The following OTOGL variants were observed in gnomAD, a reference collection of about 807,000 sequenced individuals.
OTOGL encodes otogelin like.
Under a neutral mutation model 318.5 loss-of-function variants are expected in OTOGL, and 285 were observed. The observed-to-expected ratio is 0.89, with a 90% CI of 0.81 to 0.99. The LOEUF (loss-of-function observed/expected upper bound fraction) is 0.99, where lower values mean the gene tolerates loss of function less well. Ranked by LOEUF, OTOGL falls within the 50% of genes least tolerant of loss-of-function variation. OTOGL has a pLI of 0.00. For missense variants in OTOGL, 2,899 were observed against 2,845.6 expected (o/e 1.02, Z -0.43); for synonymous variants, 987 against 936.5 (o/e 1.05, Z -0.99).
intron 10 of OTOGL, 148 bp downstream of exon 10, chr12:80,239,126 A>T (rs1880138817): frequency 9.0e-7 from 1 of 1,108,102 alleles, no homozygotes; most frequent in African/African-American, 1.6e-5. Flanking sequence ...AAATCACCTT[A>T]ATTTTAGAAA....
intron 38 of OTOGL, among the ~76,000 whole-genome samples, chr12:80,335,245 T>C (rs1417332000): frequency 6.6e-6 from 1 of 152,112 alleles, no homozygotes; most frequent in Non-Finnish European, 1.5e-5. Flanking sequence ...CTATCTTCTA[T>C]CTGTGGGACC....
At position 80,296,835 on chromosome 12, in the gene OTOGL, T is replaced by C; in HGVS notation, c.2937T>C (p.Asp979=). The C allele has an allele frequency of 1.3e-6, 2 of 1,495,844 alleles. No individual in the cohort carries two copies. The highest frequency in any genetic ancestry group is 3.5e-4 in the Middle Eastern group (2 of 5,794). 92.7% of individuals were successfully genotyped at this position (1,495,844 alleles called of 1,614,324 possible). The change falls in exon 27 of 59, where the codon GAT becomes GAC. Residue 979 remains aspartate, a synonymous_variant. Transcript: ENST00000547103. ...TATTTGTGACATTTCAGAGTGCAGATGATTCAGATATATCTGTCATTGCCC... is the reference window on the plus strand; with the variant it reads ...TATTTGTGACATTTCAGAGTGCAGACGATTCAGATATATCTGTCATTGCCC... The part of the protein sequence containing the change: ...DCQVFLIKSA[D]DSDISVIAQN...
chr12:80,160,909 G>GA (rs1199615997), intron 1 of OTOGL, among the ~76,000 whole-genome samples: 3 of 152,072 alleles, frequency 2.0e-5, no homozygotes, highest in Non-Finnish European at 4.4e-5. Context: ...CCCCAAAAAG[G>GA]AACAAATTAA....
chr12:80,360,880 A>G (rs934282192), intron 52 of OTOGL, among the ~76,000 whole-genome samples: 3 of 152,040 alleles, frequency 2.0e-5, no homozygotes, highest in Non-Finnish European at 4.4e-5. Flanking sequence ...CAAATATTGT[A>G]TATATTTATT....
intron 4 of OTOGL, 57 bp downstream of exon 4, chr12:80,212,054 C>G: frequency 6.8e-7 from 1 of 1,463,998 alleles, no homozygotes; most frequent in Non-Finnish European, 9.3e-7. Flanking sequence ...CTGTTTTGGA[C>G]TCTGCTGTCA....
chr12:80,170,686 G>A (rs542982658), intron 1 of OTOGL, among the ~76,000 whole-genome samples: 40 of 151,886 alleles, frequency 2.6e-4, no homozygotes, highest in African/African-American at 8.7e-4. Flanking sequence ...TTCCCGCCTC[G>A]GCCTCCCAAA....
intron 19 of OTOGL, among the ~76,000 whole-genome samples, chr12:80,264,741 A>T (rs1021518206): frequency 6.6e-6 from 1 of 152,160 alleles, no homozygotes; most frequent in East Asian, 1.9e-4. Flanking sequence ...GGTTGAGGCC[A>T]CTGCTTCTCT....
At chr12:80,197,427 T>A (rs1358734168) in intron 1 of OTOGL, among the ~76,000 whole-genome samples, 1 of 152,122 alleles carries the variant, frequency 6.6e-6, no homozygotes, top group East Asian at 1.9e-4. Flanking sequence ...GGTTTCACCA[T>A]GTTGGCCAGG....
Position 80,336,559 on chromosome 12 carries a change from G to T in OTOGL, c.4743+4G>T, listed in dbSNP as rs1888421308. The T allele has an allele frequency of 6.2e-7, 1 of 1,601,824 alleles. No homozygotes were observed. Among genetic ancestry groups the T allele is most frequent in the Non-Finnish European group, 8.5e-7 (1 of 1,173,312 alleles). ...CGAAAAATGTTCCATGAATCAGGTG[G>T]GTCATAATTTATTTTTGCAGTCATT... On this transcript the variant is annotated splice_donor_region_variant and intron_variant, in intron 40 of 58. Transcript: ENST00000547103.
intron 35 of OTOGL, among the ~76,000 whole-genome samples, chr12:80,328,457 C>T (rs1887844066): frequency 6.6e-6 from 1 of 152,156 alleles, no homozygotes; most frequent in African/African-American, 2.4e-5. Flanking sequence ...CCAAGTTCTG[C>T]CTTAATTTTA....
rs7312569 is a variant in OTOGL at position 80,353,429 on chromosome 12, C to G, written c.5512C>G (p.Leu1838Val). 0.19 allele frequency: 304,996 copies of G among 1,600,620 alleles called. 30,377 individuals are homozygous for G. Among genetic ancestry groups the G allele is most frequent in the Middle Eastern group, 0.22 (1,313 of 6,034 alleles). ...WFYGHTSCLN[L>V]REDCVCKVGT... The stretch of plus-strand genomic sequence containing the variant: ...CTATGGACACACTTCCTGTTTGAAT[C>G]TAAGAGAAGACTGTGTGTGCAAAGT... Residue 1838 changes from leucine to valine, a missense_variant, in exon 46 of 59, where the codon CTA becomes GTA. Leu to Val is a conservative substitution (Grantham distance 32). Coordinates refer to ENST00000547103, the MANE Select transcript of OTOGL (RefSeq NM_001378609.3).
At chr12:80,251,591 G>A (rs1249493646) in intron 11 of OTOGL, 102 bp from the exon 12 acceptor site, 2 of 766,878 alleles carry the variant, frequency 2.6e-6, no homozygotes, top group African/African-American at 1.8e-5. Context: ...TAACATCGGA[G>A]TATTCATCAT....
intron 33 of OTOGL, among the ~76,000 whole-genome samples, chr12:80,319,162 C>T (rs998861647): frequency 6.6e-6 from 1 of 152,104 alleles, no homozygotes; most frequent in African/African-American, 2.4e-5. Flanking sequence ...TTCTGTTATC[C>T]TTACCTGCCT....
At position 80,332,351 on chromosome 12, in the gene OTOGL, C is replaced by T. The variant is rs377182301; in HGVS notation, c.4349-654C>T. On this transcript the variant is annotated intron_variant, in intron 37 of 58. Transcript: ENST00000547103. ...TAAACACTGTCAACTACGGGCACTG[C>T]GATTATGGCTGAGAATAATTTCAGC... Among the ~76,000 whole-genome samples the T allele has an allele frequency of 2.2e-3, 329 of 152,204 alleles. 1 individual carries two copies. Among genetic ancestry groups the T allele is most frequent in the African/African-American group, 7.6e-3 (316 of 41,536 alleles).
intron 4 of OTOGL, 90 bp from the exon 5 acceptor site, chr12:80,217,508 T>C: frequency 1.2e-6 from 1 of 855,316 alleles, no homozygotes; most frequent in Non-Finnish European, 1.8e-6. Context: ...ATTTCTGTAT[T>C]TGTAGTTATT....
rs546093754 is a variant in OTOGL, at chr12:80,112,705, C to CTTTTTT, written c.-20+13103_-20+13104insTTTTTT. The stretch of plus-strand genomic sequence containing the variant: ...ATTAGGGATATTTGCCTGAAATTTT[C>CTTTTTT]TTTCTTTTTTTTTTTTTTGTTGTGT... On this transcript the variant is annotated intron_variant, in intron 1 of 58. Transcript: ENST00000547103. Among the ~76,000 whole-genome samples the CTTTTTT allele has an allele frequency of 1.8e-3, 228 of 128,422 alleles. 3 individuals are homozygous for CTTTTTT. The highest frequency in any genetic ancestry group is 4.2e-3 in the Middle Eastern group (1 of 238). 84.2% of individuals were successfully genotyped at this position (128,422 alleles called of 152,430 possible).
At chr12:80,343,612 T>C (rs1888977464) in intron 44 of OTOGL, 1 of 144,990 alleles carries the variant, frequency 6.9e-6, no homozygotes. Context: ...CGTATACCCT[T>C]GACCAAAGGC....
At chr12:80,339,298 G>GTTTTTTTTTTTTTTTTTT (rs10715159) in intron 43 of OTOGL, 34 bp downstream of exon 43, 23 of 538,102 alleles carry the variant, frequency 4.3e-5, no homozygotes, top group South Asian at 1.6e-4. Context: ...GATTTCGTCT[G>GTTTTTTTTTTTTTTTTTT]TTTTTTTTTT....
chr12:80,266,694 AGTTTTT>A, intron 21 of OTOGL, 78 bp downstream of exon 21: 1 of 1,357,500 alleles, frequency 7.4e-7, no homozygotes, highest in Non-Finnish European at 9.9e-7. Flanking sequence ...CTTTCATGGA[AGTTTTT>A]GAAAAAAATA....
Sources: gnomAD v4.1 joint callset for allele counts (sites outside exome capture counted in the v4.1 genomes callset) on GRCh38, gnomAD v4.1.1 for gene constraint, MANE v1.5 for transcripts, NCBI Gene and HGNC (gene_info 2026-07-23, HGNC 2026-07-21) for gene names.